The following TM4SF18 variants were observed in gnomAD, a reference collection of about 807,000 sequenced individuals.
TM4SF18 encodes the protein transmembrane 4 L six family member 18.
In TM4SF18, 22 loss-of-function variants were observed where a neutral mutation model predicts 23.8. That is an observed-to-expected ratio of 0.92 (90% confidence interval 0.66 to 1.32). The LOEUF is 1.32. Among genes scored for constraint, TM4SF18 ranks in the 40% most tolerant of loss-of-function variants. The pLI is 0.00. For synonymous variants in TM4SF18, 87 were observed against 87.9 expected, an observed-to-expected ratio of 0.99 and a Z score of 0.06; for missense variants, 255 against 240.3, an observed-to-expected ratio of 1.06 and a Z score of -0.41.
At chr3:149,333,479 TCTC>T in intron 1 of TM4SF18, 31 bp downstream of exon 1, 4 of 483,660 alleles carry the variant, frequency 8.3e-6, no homozygotes, top group South Asian at 6.1e-5. Context: ...TCTCTCTCTC[TCTC>T]TTTTTTTTTT....
Position 149,330,339 on chromosome 3 carries a change from T to G in TM4SF18, c.258A>C (p.Lys86Asn). 6.2e-7 allele frequency: 1 copy of G among 1,611,426 alleles called. No homozygotes were observed. The highest frequency in any genetic ancestry group is 8.5e-7 in the Non-Finnish European group (1 of 1,178,386). ...AAACTGTTGCTCTTACCACATATTT[T>G]TTGCTGCAGTTTTCACTCTGGCAAC... The part of the protein sequence containing the change: ...YKCCQSENCS[K>N]KYVTLLSIIF... The change falls in exon 3 of 6, where the codon AAA becomes AAC. Residue 86 changes from lysine (K) to asparagine (N), a missense_variant. Coordinates refer to ENST00000296059, the MANE Select transcript of TM4SF18 (RefSeq NM_138786.4).
intron 4 of TM4SF18, 152 bp downstream of exon 4, chr3:149,324,728 T>A: frequency 1.1e-6 from 1 of 907,724 alleles, no homozygotes; most frequent in South Asian, 1.8e-5. Context: ...AAGAACAAAT[T>A]GGTCTGGATA....
At position 149,333,370 on chromosome 3, in the gene TM4SF18, TC is replaced by T; in HGVS notation, c.12del (p.Lys5SerfsTer6). The T allele has an allele frequency of 6.2e-7, 1 of 1,611,662 alleles. No individual in the cohort carries two copies. Among genetic ancestry groups the T allele is most frequent in the Non-Finnish European group, 8.5e-7 (1 of 1,178,822 alleles). MGSRKCGGCLSCLL... is the reference protein window; with the variant it reads MGSXKCGGCLSCLL... ...AAACAACTTAGGCAGCCTCCACACT[TC>T]CGAGACCCCATTTTGCCCTGCTTAG... is the stretch of plus-strand genomic sequence containing the variant. On this transcript the variant is annotated frameshift_variant, in exon 2 of 6. Coordinates refer to ENST00000296059, the MANE Select transcript of TM4SF18 (RefSeq NM_138786.4). LOFTEE classifies it high-confidence loss of function.
At chr3:149,332,362 C>CCATAT (rs1361676067) in intron 2 of TM4SF18, among the ~76,000 whole-genome samples, 1 of 152,130 alleles carries the variant, frequency 6.6e-6, no homozygotes, top group Non-Finnish European at 1.5e-5. Flanking sequence ...AGCTTACAGT[C>CCATAT]CATAATGCAC....
At chr3:149,321,982 A>G (rs1374819423) in intron 5 of TM4SF18, among the ~76,000 whole-genome samples, 3 of 152,240 alleles carry the variant, frequency 2.0e-5, no homozygotes, top group Non-Finnish European at 4.4e-5. Context: ...TATGTAGAAC[A>G]CTAAAACTTT....
chr3:149,331,997 C>A (rs896583503), intron 2 of TM4SF18, among the ~76,000 whole-genome samples: 3 of 152,186 alleles, frequency 2.0e-5, no homozygotes, highest in African/African-American at 7.2e-5. Context: ...AACATCTGCA[C>A]ACATAGCTCT....
chr3:149,323,706 A>G (rs2108359756), intron 4 of TM4SF18, among the ~76,000 whole-genome samples: 1 of 152,354 alleles, frequency 6.6e-6, no homozygotes, highest in African/African-American at 2.4e-5. Context: ...TGATTGTAAA[A>G]CATGTGGTTT....
chr3:149,325,916 T>G lies in TM4SF18; in HGVS notation c.268-894A>C, dbSNP rs79220154. Among the ~76,000 whole-genome samples, 962 of 152,320 alleles carry G rather than the reference T, an allele frequency of 6.3e-3. 13 individuals carry two copies. The highest frequency in any genetic ancestry group is 0.022 in the African/African-American group (905 of 41,572). ...CTTTATCTAGAATCACCTACATGAATATTTTACCATATTTGTTTGTGCTTT... is the reference window on the plus strand; with the variant it reads ...CTTTATCTAGAATCACCTACATGAAGATTTTACCATATTTGTTTGTGCTTT... On this transcript the variant is annotated intron_variant, in intron 3 of 5. Coordinates refer to ENST00000296059, the MANE Select transcript of TM4SF18 (RefSeq NM_138786.4).
intron 3 of TM4SF18, among the ~76,000 whole-genome samples, chr3:149,329,699 C>A (rs952283867): frequency 2.6e-5 from 4 of 152,114 alleles, no homozygotes; most frequent in African/African-American, 4.8e-5. Context: ...TTAGAAAATG[C>A]GGTTGTATTA....
intron 2 of TM4SF18, among the ~76,000 whole-genome samples, chr3:149,330,955 A>G (rs1004286062): frequency 9.9e-5 from 15 of 152,164 alleles, no homozygotes; most frequent in African/African-American, 3.1e-4. Context: ...AAATTGTTTC[A>G]ATGTGTTTTG....
rs776150402 is a variant in TM4SF18, at chr3:149,322,815, A to G, written c.411-379T>C. Among the ~76,000 whole-genome samples the G allele has an allele frequency of 8.6e-5, 13 of 152,046 alleles. 1 individual carries two copies. Among genetic ancestry groups the G allele is most frequent in the Admixed American group, 2.6e-4 (4 of 15,272 alleles). Reference sequence around the variant, plus strand: ...ATATTGTTAATGGCTCTTGTCTCCAATGGGAAAGAGCACAGAATATGAAAT... The same window carrying G: ...ATATTGTTAATGGCTCTTGTCTCCAGTGGGAAAGAGCACAGAATATGAAAT... On this transcript the variant is annotated intron_variant, in intron 4 of 5. Coordinates refer to ENST00000296059, the MANE Select transcript of TM4SF18 (RefSeq NM_138786.4).
chr3:149,325,634 G>A (rs956624446), intron 3 of TM4SF18, among the ~76,000 whole-genome samples: 2 of 152,164 alleles, frequency 1.3e-5, no homozygotes, highest in Admixed American at 6.5e-5. Context: ...ATTCAGATGA[G>A]TGAGGAGAAA....
chr3:149,331,522 T>C (rs1287333795), intron 2 of TM4SF18, among the ~76,000 whole-genome samples: 1 of 152,198 alleles, frequency 6.6e-6, no homozygotes, highest in African/African-American at 2.4e-5. Flanking sequence ...TGCAATTGCA[T>C]ATTGAGGGAA....
chr3:149,329,323 T>C (rs1391867013), intron 3 of TM4SF18, among the ~76,000 whole-genome samples: 1 of 152,176 alleles, frequency 6.6e-6, no homozygotes, highest in African/African-American at 2.4e-5. Flanking sequence ...CGCATTGAAA[T>C]ATCCTGGGGA....
rs569346969 is a variant in TM4SF18, at chr3:149,332,116, C to T, written c.177+1090G>A. 8.5e-5 allele frequency among the ~76,000 whole-genome samples: 13 copies of T among 152,134 alleles called. No individual in the cohort carries two copies. The South Asian group carries it at 1.5e-3, about 17-fold the overall frequency. On this transcript the variant is annotated intron_variant, in intron 2 of 5. Transcript: ENST00000296059. The stretch of plus-strand genomic sequence containing the variant: ...TTGATATATTATACCAAACTCTTCC[C>T]GAAAAGACTGACATTTATTTGTAGT...
At chr3:149,321,578 T>G (rs1185015753) in intron 5 of TM4SF18, 86 bp from the exon 6 acceptor site, 1 of 822,830 alleles carries the variant, frequency 1.2e-6, no homozygotes, top group African/African-American at 1.8e-5. Context: ...AACTTAAACT[T>G]ATATTTCATA....
In TM4SF18 at chr3:149,319,191, A is replaced by G. The variant is rs17195575; in HGVS notation, c.*2287T>C. The G allele has an allele frequency of 0.039, 5,892 of 152,328 alleles. 179 individuals are homozygous for G. The highest frequency in any genetic ancestry group is 0.058 in the Middle Eastern group (17 of 294). The allele number at this position is 152,328 out of a possible 1,614,324, so 9.4% of individuals were successfully genotyped here. ...AACAAGAGATAGACAGTCTGAAAGT[A>G]TATAACAAACTGATGAAGTGGACCT... is the stretch of plus-strand genomic sequence containing the variant. On this transcript the variant is annotated 3_prime_UTR_variant, in exon 6 of 6. Transcript: ENST00000296059.
In TM4SF18 at chr3:149,330,335, A is replaced by AT. The variant is rs772547297; in HGVS notation, c.261dup (p.Tyr88IlefsTer38). On this transcript the variant is annotated frameshift_variant, in exon 3 of 6. Transcript: ENST00000296059. LOFTEE classifies it high-confidence loss of function. ...AAAAAAACTGTTGCTCTTACCACAT[A>AT]TTTTTTGCTGCAGTTTTCACTCTGG... is the stretch of plus-strand genomic sequence containing the variant. The AT allele has an allele frequency of 6.2e-6, 10 of 1,610,260 alleles. No individual in the cohort carries two copies. The Admixed American group carries it at 1.3e-4, about 22-fold the overall frequency.
intron 4 of TM4SF18, among the ~76,000 whole-genome samples, chr3:149,323,709 T>C (rs1730865569): frequency 6.6e-6 from 1 of 152,168 alleles, no homozygotes; most frequent in Non-Finnish European, 1.5e-5. Flanking sequence ...TTGTAAAACA[T>C]GTGGTTTGAA....
Sources: gnomAD v4.1 joint callset for allele counts (sites outside exome capture counted in the v4.1 genomes callset) on GRCh38, gnomAD v4.1.1 for gene constraint, MANE v1.5 for transcripts, NCBI Gene and HGNC (gene_info 2026-07-23, HGNC 2026-07-21) for gene names.